AGBL4: variants seen among roughly 807,000 people sequenced by gnomAD.
The protein encoded by AGBL4 is cytosolic carboxypeptidase 6.
In AGBL4, 58 loss-of-function variants were observed where a neutral mutation model predicts 66.4. The observed-to-expected ratio is 0.87, with a 90% confidence interval of 0.71 to 1.09. AGBL4 has a LOEUF of 1.09. Among genes scored for constraint, AGBL4 ranks in the 50% least tolerant of loss-of-function variants. AGBL4 has a pLI of 0.00. For synonymous variants in AGBL4, 234 were observed against 222.9 expected (o/e 1.05, Z -0.44); for missense variants, 579 against 631.0 (o/e 0.92, Z 0.88).
At chr1:49,607,496 G>T (rs1421048782) in intron 3 of AGBL4, among the ~76,000 whole-genome samples, 1 of 152,010 alleles carries the variant, frequency 6.6e-6, no homozygotes, top group Non-Finnish European at 1.5e-5. Context: ...GGAGTTTTCT[G>T]CCCTTGGCCA....
intron 2 of AGBL4, among the ~76,000 whole-genome samples, chr1:49,708,949 C>T (rs1647418054): frequency 6.6e-6 from 1 of 152,168 alleles, no homozygotes; most frequent in Non-Finnish European, 1.5e-5. Flanking sequence ...AGAGCGACAC[C>T]TGCCAAATGC....
intron 2 of AGBL4, among the ~76,000 whole-genome samples, chr1:49,698,225 C>T (rs189248553): frequency 0.011 from 1,692 of 152,202 alleles, 27 homozygotes; most frequent in African/African-American, 0.039. Context: ...CAACTTTAGA[C>T]AATTCACTTA....
At chr1:49,218,869 T>G (rs1011546591) in intron 4 of AGBL4, among the ~76,000 whole-genome samples, 3 of 152,128 alleles carry the variant, frequency 2.0e-5, no homozygotes, top group African/African-American at 7.2e-5. Context: ...TCACAAGATC[T>G]GATGGTTTTA....
rs988164226 is a variant in AGBL4, at chr1:48,736,439, C to T, written c.635-73198G>A. 1.9e-6 allele frequency: 3 copies of T among 1,614,176 alleles called. No individual in the cohort carries two copies. In the Admixed American group the frequency reaches 5.0e-5, roughly 27 times the overall value. ...TTTCTCCTCATCAACCCAAATCCCG[C>T]TTCCCAGATGGACCTGAGAGGAATA... On this transcript the variant is annotated intron_variant, in intron 6 of 13. Transcript: ENST00000371839. This position sits in a 1 kb window ranked among gnomAD's most constrained non-coding sequence, Gnocchi z 4.0.
chr1:48,984,193 GA>G (rs1181316611), intron 5 of AGBL4, among the ~76,000 whole-genome samples: 1 of 151,988 alleles, frequency 6.6e-6, no homozygotes, highest in Non-Finnish European at 1.5e-5. Flanking sequence ...TAGAGGATTA[GA>G]AGCCTGAAGA....
intron 4 of AGBL4, among the ~76,000 whole-genome samples, chr1:49,219,083 T>C (rs1373890618): frequency 1.3e-5 from 2 of 152,088 alleles, no homozygotes; most frequent in Non-Finnish European, 2.9e-5. Context: ...ATGGCTCCCA[T>C]GGCTGGCTCC....
chr1:49,281,561 A>C (rs1644272602), intron 3 of AGBL4, among the ~76,000 whole-genome samples: 1 of 152,240 alleles, frequency 6.6e-6, no homozygotes. Context: ...AAATAGAGTC[A>C]GACTCTTTAC....
intron 2 of AGBL4, among the ~76,000 whole-genome samples, chr1:49,833,133 G>A (rs1021129774): frequency 2.6e-5 from 4 of 151,856 alleles, no homozygotes; most frequent in Non-Finnish European, 2.9e-5. Context: ...TTAGGTCTAA[G>A]GTTTAAGTCT....
chr1:49,395,781 GTATATATGTATATATATACATA>G lies in AGBL4; in HGVS notation c.283-149939_283-149918del, dbSNP rs1164879093. Among the ~76,000 whole-genome samples, 64 of 129,688 alleles carry G rather than the reference GTATATATGTATATATATACATA, an allele frequency of 4.9e-4. 1 individual carries two copies. The highest frequency in any genetic ancestry group is 1.6e-3 in the African/African-American group (52 of 33,500). 85.1% of individuals were successfully genotyped at this position (129,688 alleles called of 152,430 possible). A position where few individuals can be genotyped will look rare whatever the true frequency, so the allele number is the denominator to read the frequency against. ...TATATATACACATATATATACATGT[GTATATATGTATATATATACATA>G]TATATATGTATACATATATATATAT... On this transcript the variant is annotated intron_variant, in intron 3 of 13. Transcript: ENST00000371839.
intron 4 of AGBL4, among the ~76,000 whole-genome samples, chr1:49,054,351 A>C (rs1644272735): frequency 6.6e-6 from 1 of 152,068 alleles, no homozygotes. Context: ...AAGCTAAAAT[A>C]CTGTCTTGGT....
chr1:48,576,694 T>C (rs1644659309), intron 11 of AGBL4, among the ~76,000 whole-genome samples: 1 of 152,040 alleles, frequency 6.6e-6, no homozygotes, highest in Non-Finnish European at 1.5e-5. Context: ...ATATTCGACA[T>C]AGAGTAGGGG....
intron 3 of AGBL4, among the ~76,000 whole-genome samples, chr1:49,267,011 C>T (rs957152913): frequency 6.6e-6 from 1 of 152,118 alleles, no homozygotes; most frequent in African/African-American, 2.4e-5. Context: ...TCTGAGGAAA[C>T]GCATACTGTT....
At chr1:49,212,535 T>C (rs562296804) in intron 4 of AGBL4, among the ~76,000 whole-genome samples, 384 of 152,234 alleles carry the variant, frequency 2.5e-3, no homozygotes, top group Non-Finnish European at 3.8e-3. Context: ...CGAAACCAAA[T>C]GTTTAAACAA....
chr1:48,549,340 C>T (rs1644214974), intron 11 of AGBL4, among the ~76,000 whole-genome samples: 1 of 152,218 alleles, frequency 6.6e-6, no homozygotes, highest in South Asian at 2.1e-4. Flanking sequence ...CATGACTAAA[C>T]AGGTGAATCC....
chr1:48,889,569 C>G (rs866002573), intron 5 of AGBL4, among the ~76,000 whole-genome samples: 1 of 152,284 alleles, frequency 6.6e-6, no homozygotes. Context: ...ATAAGGCTTT[C>G]GGACTGTCTC....
intron 2 of AGBL4, among the ~76,000 whole-genome samples, chr1:49,718,058 A>G (rs563903036): frequency 5.5e-4 from 84 of 152,168 alleles, no homozygotes; most frequent in African/African-American, 2.0e-3. Flanking sequence ...AAACCATAAG[A>G]TGCTATGTAA....
At chr1:48,881,441 A>C (rs1649773922) in intron 5 of AGBL4, among the ~76,000 whole-genome samples, 1 of 152,106 alleles carries the variant, frequency 6.6e-6, no homozygotes, top group African/African-American at 2.4e-5. Flanking sequence ...CTCTGTTTGC[A>C]TTTTAAACTC....
At chr1:48,770,496 G>C (rs897785258) in intron 6 of AGBL4, among the ~76,000 whole-genome samples, 1 of 151,990 alleles carries the variant, frequency 6.6e-6, no homozygotes, top group African/African-American at 2.4e-5. Context: ...TTTAAAAGCC[G>C]ATGTTCTGCC....
chr1:49,062,621 T>C (rs1644423528), intron 4 of AGBL4, among the ~76,000 whole-genome samples: 1 of 152,164 alleles, frequency 6.6e-6, no homozygotes, highest in Non-Finnish European at 1.5e-5. Context: ...ACGTAAGCCA[T>C]GTTGTGGAGT....
Sources: allele counts gnomAD v4.1 joint callset (sites outside exome capture counted in the v4.1 genomes callset), GRCh38; gene constraint gnomAD v4.1.1; non-coding constraint Gnocchi (gnomAD v3.1); transcripts MANE v1.5; gene names NCBI Gene and HGNC (gene_info 2026-07-23, HGNC 2026-07-21).